The following CRADD variants were observed in gnomAD, a reference collection of about 807,000 sequenced individuals.
CRADD encodes the protein death domain-containing protein CRADD.
CRADD carries 9 observed loss-of-function variants against 15.5 expected under a neutral mutation model. The observed-to-expected ratio is 0.58, with a 90% CI of 0.35 to 1.01. The LOEUF is 1.01. CRADD is among the 50% of genes least tolerant of loss of function. CRADD has a pLI of 0.02. For missense variants in CRADD, 227 were observed against 250.3 expected, an observed-to-expected ratio of 0.91 and a Z score of 0.63; for synonymous variants, 118 against 107.6, an observed-to-expected ratio of 1.10 and a Z score of -0.60.
At chr12:93,839,738 A>C (rs1210419504) in intron 2 of CRADD, among the ~76,000 whole-genome samples, 1 of 152,152 alleles carries the variant, frequency 6.6e-6, no homozygotes, top group Non-Finnish European at 1.5e-5. Flanking sequence ...TCACCTGTTC[A>C]TACCTTTGTT....
chr12:93,794,721 A>G (rs11107188), intron 2 of CRADD, among the ~76,000 whole-genome samples: 13,181 of 152,068 alleles, frequency 0.087, 608 homozygotes, highest in East Asian at 0.16. Context: ...CCACTCCCCC[A>G]CTTAAACTCA....
intron 2 of CRADD, among the ~76,000 whole-genome samples, chr12:93,798,841 GAA>G: frequency 6.6e-6 from 1 of 152,348 alleles, no homozygotes; most frequent in East Asian, 1.9e-4. Context: ...AGCAGGCCAA[GAA>G]GTGCTGATGA....
downstream of CRADD, among the ~76,000 whole-genome samples, chr12:93,854,234 C>T (rs954996786): frequency 1.3e-5 from 2 of 152,068 alleles, no homozygotes. Context: ...GGTGGGTTGG[C>T]TGAGGCAGGA....
chr12:93,840,629 C>T (rs560809930), intron 2 of CRADD, among the ~76,000 whole-genome samples: 1 of 151,726 alleles, frequency 6.6e-6, no homozygotes, highest in African/African-American at 2.4e-5. Context: ...TGCAATGGCT[C>T]AATCTCGGCT....
intron 2 of CRADD, among the ~76,000 whole-genome samples, chr12:93,845,575 TATA>T (rs1958104044): frequency 1.5e-5 from 1 of 64,908 alleles, no homozygotes; most frequent in Admixed American, 1.2e-4. Flanking sequence ...TATATATATA[TATA>T]TTTTTAATAA....
intron 2 of CRADD, among the ~76,000 whole-genome samples, chr12:93,819,856 C>T (rs1252231973): frequency 6.6e-6 from 1 of 152,204 alleles, no homozygotes; most frequent in Non-Finnish European, 1.5e-5. Flanking sequence ...AAATAACGAG[C>T]AAAGAATACT....
chr12:93,798,314 G>A (rs1281045927), intron 2 of CRADD, among the ~76,000 whole-genome samples: 1 of 152,150 alleles, frequency 6.6e-6, no homozygotes, highest in Non-Finnish European at 1.5e-5. Flanking sequence ...TATAGTAGAA[G>A]CAGAAGTATT....
downstream of CRADD, among the ~76,000 whole-genome samples, chr12:93,855,171 G>A (rs1473653416): frequency 2.6e-5 from 4 of 152,050 alleles, no homozygotes; most frequent in Non-Finnish European, 5.9e-5. Flanking sequence ...CTCGAGTCTC[G>A]GAGACAGCAA....
At chr12:93,697,644 A>C (rs1223714247) in intron 2 of CRADD, among the ~76,000 whole-genome samples, 2 of 152,214 alleles carry the variant, frequency 1.3e-5, no homozygotes, top group Non-Finnish European at 2.9e-5. Flanking sequence ...GTTTATAATA[A>C]ATGAATCATC....
intron 2 of CRADD, among the ~76,000 whole-genome samples, chr12:93,809,583 A>G (rs1413552299): frequency 6.6e-6 from 1 of 152,138 alleles, no homozygotes; most frequent in African/African-American, 2.4e-5. Context: ...GAATGCCAGG[A>G]CCATGCCTCC....
chr12:93,887,596 A>G (rs1218625853), intron 2 of CRADD, among the ~76,000 whole-genome samples: 2 of 152,244 alleles, frequency 1.3e-5, no homozygotes, highest in Admixed American at 6.5e-5. Context: ...GGTTCTTGGT[A>G]TTGTTAAAGC....
chr12:93,704,653 G>T (rs549444991), intron 2 of CRADD, among the ~76,000 whole-genome samples: 1 of 152,180 alleles, frequency 6.6e-6, no homozygotes, highest in African/African-American at 2.4e-5. Flanking sequence ...ATCAGACTTT[G>T]TTATTCCTCT....
chr12:93,793,800 A>G (rs1957379096), intron 2 of CRADD, among the ~76,000 whole-genome samples: 1 of 152,196 alleles, frequency 6.6e-6, no homozygotes, highest in South Asian at 2.1e-4. Flanking sequence ...TATATCTTTG[A>G]AAATAAAAAG....
At chr12:93,783,228 GTATTAT>G (rs57260302) in intron 2 of CRADD, among the ~76,000 whole-genome samples, 34,529 of 139,132 alleles carry the variant, frequency 0.25, 4,515 homozygotes, top group East Asian at 0.32. Flanking sequence ...ACAGGTATAG[GTATTAT>G]TATTATTATT....
chr12:93,746,140 A>G (rs1453593810), intron 2 of CRADD, among the ~76,000 whole-genome samples: 1 of 152,224 alleles, frequency 6.6e-6, no homozygotes, highest in East Asian at 1.9e-4. Context: ...AAACAAAAAG[A>G]GAGAAAATTA....
intron 2 of CRADD, among the ~76,000 whole-genome samples, chr12:93,709,580 A>G (rs777930805): frequency 1.3e-5 from 2 of 152,238 alleles, no homozygotes; most frequent in Non-Finnish European, 1.5e-5. Context: ...ATATTCCCAC[A>G]AAAGACATGA....
At chr12:93,705,959 G>C (rs1474167421) in intron 2 of CRADD, among the ~76,000 whole-genome samples, 1 of 152,192 alleles carries the variant, frequency 6.6e-6, no homozygotes, top group Non-Finnish European at 1.5e-5. Context: ...TGCTGAAGGA[G>C]TAGTTTCTGT....
intron 2 of CRADD, among the ~76,000 whole-genome samples, chr12:93,819,246 G>T (rs1373682686): frequency 6.6e-6 from 1 of 152,198 alleles, no homozygotes; most frequent in Non-Finnish European, 1.5e-5. Flanking sequence ...TCATCCAGAA[G>T]AGAAGACTCA....
intron 2 of CRADD, among the ~76,000 whole-genome samples, chr12:93,770,511 A>G (rs1198349933): frequency 1.3e-5 from 2 of 152,216 alleles, no homozygotes; most frequent in Non-Finnish European, 2.9e-5. Context: ...GTTTCATTTT[A>G]TGCTACATTA....
Sources: gnomAD v4.1 joint callset for allele counts (sites outside exome capture counted in the v4.1 genomes callset) on GRCh38, gnomAD v4.1.1 for gene constraint, MANE v1.5 for transcripts, NCBI Gene and HGNC (gene_info 2026-07-23, HGNC 2026-07-21) for gene names.